DEPDC1: variants seen among roughly 807,000 people sequenced by gnomAD.
The protein encoded by DEPDC1 is DEP domain containing 1.
Under a neutral mutation model 86.8 loss-of-function variants are expected in DEPDC1, and 66 were observed. The ratio of observed to expected loss-of-function variants is 0.76; its 90% CI spans 0.62 to 0.93. DEPDC1 has a LOEUF of 0.93. Ranked by LOEUF, DEPDC1 falls within the 40% of genes least tolerant of loss-of-function variation. The pLI, the probability that DEPDC1 is intolerant of heterozygous loss-of-function variation, is 0.00. For missense variants in DEPDC1, 792 were observed against 935.7 expected (o/e 0.85, Z 2.00); for synonymous variants, 255 against 314.9 (o/e 0.81, Z 2.02).
At chr1:68,481,295 G>A in intron 9 of DEPDC1, 145 bp downstream of exon 9, 1 of 668,798 alleles carries the variant, frequency 1.5e-6, no homozygotes, top group South Asian at 2.3e-5. Flanking sequence ...AAATTCTGCT[G>A]CTAGGAAAGG....
At chr1:68,490,454 T>C (rs1426875469) in intron 2 of DEPDC1, among the ~76,000 whole-genome samples, 2 of 152,200 alleles carry the variant, frequency 1.3e-5, no homozygotes, top group Non-Finnish European at 2.9e-5. Flanking sequence ...TATGGCTGCA[T>C]ACTATTCCAT....
chr1:68,477,478 T>G (rs1002856715), intron 11 of DEPDC1, among the ~76,000 whole-genome samples: 3 of 151,694 alleles, frequency 2.0e-5, no homozygotes, highest in African/African-American at 7.3e-5. Context: ...AAGATACATA[T>G]CCATACCTTA....
Position 68,484,061 on chromosome 1 carries a change from T to G in DEPDC1, c.799A>C (p.Thr267Pro), listed in dbSNP as rs777263970. 9 of 1,582,970 alleles carry G rather than the reference T, an allele frequency of 5.7e-6. No individual in the cohort carries two copies. The highest frequency in any genetic ancestry group is 1.4e-5 in the African/African-American group (1 of 72,926). Residue 267 changes from threonine to proline, a missense_variant, in exon 7 of 12, where the codon ACT (threonine) becomes CCT (proline). Coordinates refer to ENST00000456315, the MANE Select transcript of DEPDC1 (RefSeq NM_001114120.3). ...ACATCTCGTTCAAATCCAACATAAG[T>G]TGGATTATTCATATCATTGCTTCTT... ...WPRSNDMNNP[T>P]YVGFERDVFR...
rs1646197059 is a variant in DEPDC1 at position 68,486,977 on chromosome 1, G to C, written c.729C>G (p.Leu243=). Residue 243 remains leucine, a synonymous_variant, in exon 6 of 12, where the codon CTC becomes CTG. Coordinates refer to ENST00000456315, the MANE Select transcript of DEPDC1 (RefSeq NM_001114120.3). ...VVILQNKSDD[L]PHWVLSAMKC... ...TCATGGCAGATAATACCCAGTGAGG[G>C]AGGTCATCTACACAAAAAGAAAAAT... 6.2e-7 allele frequency: 1 copy of C among 1,600,070 alleles called. No individual in the cohort carries two copies. The highest frequency in any genetic ancestry group is 1.1e-5 in the South Asian group (1 of 88,404).
rs577993348 is a variant in DEPDC1, at chr1:68,491,468, C to G, written c.315-1860G>C. Among the ~76,000 whole-genome samples, 18 of 152,060 alleles carry G rather than the reference C, an allele frequency of 1.2e-4. No individual in the cohort carries two copies. In the South Asian group the frequency reaches 3.7e-3, roughly 32 times the overall value. Reference sequence around the variant, plus strand: ...GTAAATCAAAACTATAATGAGATACCATCTCACACCAGTCAGAATGGACAC... The same window carrying G: ...GTAAATCAAAACTATAATGAGATACGATCTCACACCAGTCAGAATGGACAC... On this transcript the variant is annotated intron_variant, in intron 2 of 11. Coordinates refer to ENST00000456315, the MANE Select transcript of DEPDC1 (RefSeq NM_001114120.3).
rs758803392 is a variant in DEPDC1 at position 68,482,555 on chromosome 1, G to C, written c.1253C>G (p.Pro418Arg). ...NMHDLSSNSK[P>R]RCCSLEGIVD... ...AATTCCTTCCAAAGAACAGCACCTT[G>C]GTTTGCTGTTAGAGGATAGATCATG... The change falls in exon 8 of 12, where the codon CCA becomes CGA. Residue 418 changes from proline to arginine, a missense_variant. Coordinates refer to ENST00000456315, the MANE Select transcript of DEPDC1 (RefSeq NM_001114120.3). The C allele has an allele frequency of 1.2e-6, 2 of 1,613,102 alleles. No homozygotes were observed. Among genetic ancestry groups the C allele is most frequent in the Non-Finnish European group, 1.7e-6 (2 of 1,179,348 alleles).
intron 10 of DEPDC1, 43 bp downstream of exon 10, chr1:68,479,101 G>A (rs1571193642): frequency 6.6e-7 from 1 of 1,520,966 alleles, no homozygotes; most frequent in Non-Finnish European, 8.9e-7. Context: ...TTTGCCACTT[G>A]CAACTGACTA....
chr1:68,487,560 T>C (rs1006763290), intron 5 of DEPDC1, among the ~76,000 whole-genome samples: 23 of 152,078 alleles, frequency 1.5e-4, no homozygotes, highest in African/African-American at 5.3e-4. Flanking sequence ...GTTAACCATA[T>C]TATTTTAGGT....
Position 68,489,607 on chromosome 1 carries a change from A to G in DEPDC1, c.316T>C (p.Phe106Leu), listed in dbSNP as rs1453429481. The stretch of plus-strand genomic sequence containing the variant: ...GTTTTAAGTGGCGAAGTTGCAGGAA[A>G]TCTGGTTTAAAAACAATAAGCAATT... ...NVDDNNQLFR[F>L]PATSPLKTLP... Residue 106 changes from phenylalanine to leucine, a missense_variant and splice_region_variant, in exon 3 of 12, where the codon TTT (phenylalanine) becomes CTT (leucine). Phe to Leu is a conservative substitution (Grantham distance 22). Transcript: ENST00000456315. The G allele has an allele frequency of 1.3e-6, 2 of 1,532,414 alleles. No individual in the cohort carries two copies. The highest frequency in any genetic ancestry group is 1.4e-5 in the African/African-American group (1 of 69,278). 94.9% of individuals were successfully genotyped at this position (1,532,414 alleles called of 1,614,324 possible).
At position 68,496,430 on chromosome 1, in the gene DEPDC1, C is replaced by T. The variant is rs1646265656; in HGVS notation, c.48+522G>A. Among the ~76,000 whole-genome samples the T allele has an allele frequency of 6.6e-6, 1 of 152,184 alleles. No homozygotes were observed. The highest frequency in any genetic ancestry group is 2.1e-4 in the South Asian group (1 of 4,828). On this transcript the variant is annotated intron_variant, in intron 1 of 11. Transcript: ENST00000456315. The surrounding 1 kb of genome is among the most constrained non-coding windows in gnomAD (Gnocchi z 4.0). ...CACCAGCAGTGGTTACTGATGGGTA[C>T]TCAGAAATACCGTTTTGAAACAGGC...
chr1:68,474,589 T>TA lies in DEPDC1; in HGVS notation c.*2342dup, dbSNP rs1262674675. On this transcript the variant is annotated 3_prime_UTR_variant, in exon 12 of 12. Coordinates refer to ENST00000456315, the MANE Select transcript of DEPDC1 (RefSeq NM_001114120.3). Reference sequence around the variant, plus strand: ...TAGGCTTTTTCACACTTTCTCTCTTTAAATGTGCAACACCTTCCCCATCCC... The same window carrying TA: ...TAGGCTTTTTCACACTTTCTCTCTTTAAAATGTGCAACACCTTCCCCATCCC... The TA allele has an allele frequency of 1.3e-5, 2 of 151,798 alleles. No individual in the cohort carries two copies. The highest frequency in any genetic ancestry group is 1.3e-4 in the Admixed American group (2 of 15,228). 9.4% of individuals were successfully genotyped at this position (151,798 alleles called of 1,614,324 possible).
chr1:68,492,410 TAA>T lies in DEPDC1; in HGVS notation c.314+2018_314+2019del, dbSNP rs1646235927. On this transcript the variant is annotated intron_variant, in intron 2 of 11. Transcript: ENST00000456315. ...GTACTTTATAGTTTTGTTACGATCG[TAA>T]AAGACTAGGAGAGGCCGGGCGTGGT... Among the ~76,000 whole-genome samples the T allele has an allele frequency of 3.3e-5, 5 of 152,094 alleles. No individual in the cohort carries two copies. The South Asian group carries it at 1.0e-3, about 32-fold the overall frequency.
chr1:68,474,506 T>C lies in DEPDC1; in HGVS notation c.*2426A>G, dbSNP rs1053757506. On this transcript the variant is annotated 3_prime_UTR_variant, in exon 12 of 12. Coordinates refer to ENST00000456315, the MANE Select transcript of DEPDC1 (RefSeq NM_001114120.3). ...GCAGTAATTTCTGGGATAAGAACTATAATTTACAGAATAACCAGACATCAT... is the reference window on the plus strand; with the variant it reads ...GCAGTAATTTCTGGGATAAGAACTACAATTTACAGAATAACCAGACATCAT... 11 of 152,104 alleles carry C rather than the reference T, an allele frequency of 7.2e-5. No homozygotes were observed. The highest frequency in any genetic ancestry group is 3.3e-4 in the Admixed American group (5 of 15,254). 9.4% of individuals were successfully genotyped at this position (152,104 alleles called of 1,614,324 possible). A position where few individuals can be genotyped will look rare whatever the true frequency, so the allele number is the denominator to read the frequency against.
Position 68,483,913 on chromosome 1 carries a change from A to G in DEPDC1, c.910+37T>C, listed in dbSNP as rs757114057. 7 of 1,286,444 alleles carry G rather than the reference A, an allele frequency of 5.4e-6. No homozygotes were observed. The Admixed American group carries it at 1.6e-4, about 30-fold the overall frequency. The allele number at this position is 1,286,444 out of a possible 1,614,324, so 79.7% of individuals were successfully genotyped here. A position where few individuals can be genotyped will look rare whatever the true frequency, so the allele number is the denominator to read the frequency against. On this transcript the variant is annotated intron_variant, in intron 7 of 11. Coordinates refer to ENST00000456315, the MANE Select transcript of DEPDC1 (RefSeq NM_001114120.3). ...AAATTATAAGAAAGTTGAAAACTTT[A>G]ACAAAATGAACTAAAATCAGTAAAA...
intron 1 of DEPDC1, among the ~76,000 whole-genome samples, chr1:68,495,841 T>C (rs1244667082): frequency 1.3e-5 from 2 of 152,198 alleles, no homozygotes; most frequent in Non-Finnish European, 2.9e-5. Context: ...GATAAAATGA[T>C]GTAATATATG....
Position 68,476,999 on chromosome 1 carries a change from C to T in DEPDC1, c.2369G>A (p.Gly790Asp). 6.2e-7 allele frequency: 1 copy of T among 1,606,422 alleles called. No individual in the cohort carries two copies. Residue 790 changes from glycine (G) to aspartate (D), a missense_variant, in exon 12 of 12, where the codon GGT becomes GAT. Physicochemically the swap from Gly to Asp is moderately conservative, Grantham distance 94. Transcript: ENST00000456315. ...TGGTTGCTTGATTGTAGGTTTGTCA[C>T]CAAAAAGTGCTGCTTCACTCTCCGT... is the stretch of plus-strand genomic sequence containing the variant. ...PTTESEAALFGDKPTIKQPML... is the reference protein window; with the variant it reads ...PTTESEAALFDDKPTIKQPML...
chr1:68,484,152 A>G (rs1280922728), intron 6 of DEPDC1, 62 bp from the exon 7 acceptor site: 2 of 1,271,006 alleles, frequency 1.6e-6, no homozygotes, highest in African/African-American at 3.2e-5. Flanking sequence ...CAATTTTTAA[A>G]CATAAAAAGT....
intron 10 of DEPDC1, among the ~76,000 whole-genome samples, chr1:68,478,669 T>G (rs1646133127): frequency 6.6e-6 from 1 of 151,974 alleles, no homozygotes; most frequent in African/African-American, 2.4e-5. Flanking sequence ...TAATAGTTCC[T>G]TCCCATTTTA....
At chr1:68,495,233 G>A (rs182944314) in intron 1 of DEPDC1, among the ~76,000 whole-genome samples, 382 of 152,096 alleles carry the variant, frequency 2.5e-3, no homozygotes, top group African/African-American at 8.9e-3. Flanking sequence ...TTTATTAGAA[G>A]AACTTCATTG....
Sources: gnomAD v4.1 joint callset for allele counts (sites outside exome capture counted in the v4.1 genomes callset) on GRCh38, gnomAD v4.1.1 for gene constraint, Gnocchi (gnomAD v3.1) non-coding constraint, MANE v1.5 for transcripts, NCBI Gene and HGNC (gene_info 2026-07-23, HGNC 2026-07-21) for gene names.